Variants in SPAG16 observed in about 807,000 individuals in gnomAD.
SPAG16 encodes sperm-associated antigen 16 protein.
A neutral mutation model predicts 80.4 loss-of-function variants in SPAG16; 86 were observed. That is an observed-to-expected ratio of 1.07 (90% confidence interval 0.90 to 1.28). The LOEUF is 1.28. Among genes scored for constraint, SPAG16 ranks in the 50% most tolerant of loss-of-function variants. The probability of loss-of-function intolerance (pLI) is 0.00; values close to 1 mark genes in which losing one functional copy is unlikely to be tolerated. For synonymous variants in SPAG16, 294 were observed against 265.9 expected (o/e 1.11, Z -1.03); for missense variants, 870 against 765.3 (o/e 1.14, Z -1.61).
chr2:214,337,046 C>A (rs946103201), intron 15 of SPAG16, among the ~76,000 whole-genome samples: 1 of 150,648 alleles, frequency 6.6e-6, no homozygotes, highest in African/African-American at 2.4e-5. Flanking sequence ...AGGTACTTGA[C>A]GCCAGTCCCC....
intron 9 of SPAG16, among the ~76,000 whole-genome samples, chr2:213,407,428 C>T (rs1016168114): frequency 6.6e-6 from 1 of 151,978 alleles, no homozygotes; most frequent in Non-Finnish European, 1.5e-5. Flanking sequence ...GTTGAGCCTT[C>T]CGGGACAGGC....
intron 8 of SPAG16, 61 bp downstream of exon 8, chr2:213,364,206 C>T (rs747788063): frequency 1.0e-6 from 1 of 965,652 alleles, no homozygotes; most frequent in Non-Finnish European, 1.5e-6. Context: ...TCAACCTTAT[C>T]AGTGATTAAT....
intron 9 of SPAG16, among the ~76,000 whole-genome samples, chr2:213,386,602 T>G (rs918809679): frequency 2.6e-5 from 4 of 152,234 alleles, no homozygotes; most frequent in Admixed American, 6.5e-5. Context: ...CAGTTGGGTA[T>G]CTAGCTTGTT....
intron 12 of SPAG16, among the ~76,000 whole-genome samples, chr2:213,978,644 A>G (rs1455727730): frequency 1.3e-5 from 2 of 152,172 alleles, no homozygotes; most frequent in Non-Finnish European, 2.9e-5. Flanking sequence ...ACTGTCTCAC[A>G]TAGTTTTTGG....
chr2:214,370,269 GTTGT>G (rs1699727595), intron 15 of SPAG16, among the ~76,000 whole-genome samples: 1 of 151,928 alleles, frequency 6.6e-6, no homozygotes, highest in African/African-American at 2.4e-5. Context: ...TTTCAGTAGA[GTTGT>G]TTTTAGAAAA....
intron 15 of SPAG16, among the ~76,000 whole-genome samples, chr2:214,202,889 T>C (rs2058047295): frequency 6.6e-6 from 1 of 152,210 alleles, no homozygotes; most frequent in Admixed American, 6.5e-5. Flanking sequence ...ACAGATGTTT[T>C]CCGGCTATCT....
At chr2:213,379,708 C>T (rs1013595634) in intron 9 of SPAG16, among the ~76,000 whole-genome samples, 2 of 152,150 alleles carry the variant, frequency 1.3e-5, no homozygotes, top group Non-Finnish European at 1.5e-5. Flanking sequence ...GGCTGATCAC[C>T]CCAAGGAATG....
intron 9 of SPAG16, among the ~76,000 whole-genome samples, chr2:213,410,787 C>T (rs575065206): frequency 6.6e-6 from 1 of 152,188 alleles, no homozygotes; most frequent in Non-Finnish European, 1.5e-5. Flanking sequence ...TAAGGTGGTC[C>T]TCCAGTCGAC....
chr2:214,107,182 CTTA>C (rs763271865), intron 13 of SPAG16, among the ~76,000 whole-genome samples: 3 of 152,106 alleles, frequency 2.0e-5, no homozygotes, highest in African/African-American at 4.8e-5. Flanking sequence ...TCTCTTCAGA[CTTA>C]TTATCTTCTA....
chr2:214,156,849 A>G (rs981360043), intron 15 of SPAG16, among the ~76,000 whole-genome samples: 3 of 152,180 alleles, frequency 2.0e-5, no homozygotes, highest in Admixed American at 1.3e-4. Context: ...AAGCAGGCCA[A>G]CTTGTTTTAT....
Position 213,377,182 on chromosome 2 carries a change from A to C in SPAG16, c.942+2063A>C, listed in dbSNP as rs1483686034. ...AATTTTTCACCAGAATTTTACAGGC[A>C]TTGTTTTAATGTCTTAGAGGATAGC... On this transcript the variant is annotated intron_variant, in intron 9 of 15. Transcript: ENST00000331683. Among the ~76,000 whole-genome samples, 3 of 152,170 alleles carry C rather than the reference A, an allele frequency of 2.0e-5. No homozygotes were observed. The East Asian group carries it at 5.8e-4, about 29-fold the overall frequency.
intron 5 of SPAG16, among the ~76,000 whole-genome samples, chr2:213,328,186 GTAT>G (rs1166271016): frequency 6.6e-6 from 1 of 152,064 alleles, no homozygotes; most frequent in Admixed American, 6.6e-5. Context: ...AACAAATATA[GTAT>G]TATTTTTTAG....
chr2:214,393,877 C>T (rs181739578), intron 15 of SPAG16, among the ~76,000 whole-genome samples: 117 of 152,224 alleles, frequency 7.7e-4, no homozygotes, highest in Admixed American at 1.6e-3. Context: ...ATTTAGAAAG[C>T]TCAAATAATG....
At chr2:214,189,276 G>T (rs770854763) in intron 15 of SPAG16, among the ~76,000 whole-genome samples, 2 of 151,952 alleles carry the variant, frequency 1.3e-5, no homozygotes, top group African/African-American at 4.8e-5. Context: ...TAATGAGAGA[G>T]CTGGCTTTTG....
At chr2:214,020,166 T>G (rs765748706) in intron 13 of SPAG16, among the ~76,000 whole-genome samples, 2 of 152,156 alleles carry the variant, frequency 1.3e-5, no homozygotes, top group African/African-American at 4.8e-5. Context: ...CAGTGGTCAG[T>G]GACAGGGTGA....
intron 10 of SPAG16, among the ~76,000 whole-genome samples, chr2:213,518,557 A>T (rs920747331): frequency 6.6e-6 from 1 of 152,172 alleles, no homozygotes; most frequent in Admixed American, 6.6e-5. Context: ...GGCTGGCCTG[A>T]TTGGCTATTA....
chr2:213,608,509 T>TG (rs1355817468), intron 10 of SPAG16, among the ~76,000 whole-genome samples: 1 of 152,366 alleles, frequency 6.6e-6, no homozygotes, highest in African/African-American at 2.4e-5. Flanking sequence ...GAACTCATCA[T>TG]TTTTTATGGC....
rs146054174 is a variant in SPAG16, at chr2:213,295,627, C to G, written c.137-437C>G. On this transcript the variant is annotated intron_variant, in intron 1 of 15. Coordinates refer to ENST00000331683, the MANE Select transcript of SPAG16 (RefSeq NM_024532.5). ...CAATACTTTAAACCAAATAAAGTCA[C>G]ATTTTATTCATGTACTGTGAATAGT... is the stretch of plus-strand genomic sequence containing the variant. Among the ~76,000 whole-genome samples the G allele has an allele frequency of 4.5e-3, 682 of 152,144 alleles. 3 individuals are homozygous for G. Among genetic ancestry groups the G allele is most frequent in the African/African-American group, 0.015 (622 of 41,526 alleles).
chr2:214,331,942 A>G (rs1696945328), intron 15 of SPAG16, among the ~76,000 whole-genome samples: 1 of 152,216 alleles, frequency 6.6e-6, no homozygotes, highest in Admixed American at 6.5e-5. Flanking sequence ...TTCTGCCAGG[A>G]TAGAAAGTGT....
Sources: gnomAD v4.1 joint callset for allele counts (sites outside exome capture counted in the v4.1 genomes callset) on GRCh38, gnomAD v4.1.1 for gene constraint, MANE v1.5 for transcripts, NCBI Gene and HGNC (gene_info 2026-07-23, HGNC 2026-07-21) for gene names.